Variants in EDIL3 observed in about 807,000 individuals in gnomAD.
The protein encoded by EDIL3 is EGF-like repeat and discoidin I-like domain-containing protein 3.
In EDIL3, 37 loss-of-function variants were observed where a neutral mutation model predicts 67.4. The observed-to-expected ratio is 0.55, with a 90% CI of 0.42 to 0.72. EDIL3 has a LOEUF of 0.72. Among genes scored for constraint, EDIL3 ranks in the 30% least tolerant of loss-of-function variants. The pLI is 0.00. For missense variants in EDIL3, 527 were observed against 586.3 expected (o/e 0.90, Z 1.04); for synonymous variants, 195 against 196.3 (o/e 0.99, Z 0.05).
At chr5:84,147,624 C>A (rs147794377) in intron 4 of EDIL3, among the ~76,000 whole-genome samples, 1 of 151,850 alleles carries the variant, frequency 6.6e-6, no homozygotes, top group Non-Finnish European at 1.5e-5. Context: ...ACCAATAAAT[C>A]TTTTTAAGAT....
At chr5:83,977,972 T>C (rs1322145680) in intron 9 of EDIL3, among the ~76,000 whole-genome samples, 3 of 151,878 alleles carry the variant, frequency 2.0e-5, no homozygotes, top group African/African-American at 7.2e-5. Flanking sequence ...ATAGCAGGTA[T>C]CATGTTCCAA....
intron 9 of EDIL3, among the ~76,000 whole-genome samples, chr5:84,033,757 T>C (rs1745970277): frequency 6.7e-6 from 1 of 148,932 alleles, no homozygotes; most frequent in African/African-American, 2.5e-5. Flanking sequence ...GAAAAGAAAT[T>C]CAAAGAATCT....
chr5:84,052,748 A>G (rs1746365918), intron 9 of EDIL3, among the ~76,000 whole-genome samples: 3 of 152,240 alleles, frequency 2.0e-5, no homozygotes, highest in African/African-American at 7.2e-5. Flanking sequence ...CAATTCAACA[A>G]GAAGAGCTAA....
At chr5:84,064,901 A>G (rs1213940701) in intron 7 of EDIL3, 57 bp from the exon 8 acceptor site, 23 of 1,559,954 alleles carry the variant, frequency 1.5e-5, no homozygotes, top group Non-Finnish European at 2.0e-5. Context: ...CTATTTTTAC[A>G]TATTTACCCT....
Position 84,351,777 on chromosome 5 carries a change from A to G in EDIL3, c.67+32531T>C, listed in dbSNP as rs1243386557. Reference sequence around the variant, plus strand: ...AATTTATGGAAACAATAGCATGTGGATGATAGAAGTTAATCTAAAAAAAAA... The same window carrying G: ...AATTTATGGAAACAATAGCATGTGGGTGATAGAAGTTAATCTAAAAAAAAA... On this transcript the variant is annotated intron_variant, in intron 1 of 10. Coordinates refer to ENST00000296591, the MANE Select transcript of EDIL3 (RefSeq NM_005711.5). Among the ~76,000 whole-genome samples, 3 of 152,152 alleles carry G rather than the reference A, an allele frequency of 2.0e-5. No homozygotes were observed. In the East Asian group the frequency reaches 5.8e-4, roughly 29 times the overall value.
chr5:84,048,332 T>C, intron 9 of EDIL3: 1 of 406,466 alleles, frequency 2.5e-6, no homozygotes, highest in Non-Finnish European at 4.9e-6. Context: ...TTATAAATTT[T>C]ATGTCTAGAA....
intron 5 of EDIL3, among the ~76,000 whole-genome samples, chr5:84,127,405 T>C (rs1237672080): frequency 1.3e-5 from 2 of 152,154 alleles, no homozygotes; most frequent in East Asian, 1.9e-4. Flanking sequence ...GTAACTATTA[T>C]GAAATTTCTT....
intron 6 of EDIL3, among the ~76,000 whole-genome samples, chr5:84,076,554 T>G (rs1386613055): frequency 6.6e-6 from 1 of 152,206 alleles, no homozygotes; most frequent in Non-Finnish European, 1.5e-5. Context: ...TACGTAGATT[T>G]TCTAAGCGAT....
intron 4 of EDIL3, among the ~76,000 whole-genome samples, chr5:84,165,613 C>G (rs1202994490): frequency 6.6e-6 from 1 of 152,066 alleles, no homozygotes; most frequent in African/African-American, 2.4e-5. Flanking sequence ...CAAAGTGACT[C>G]CAACAAAAAC....
At chr5:84,141,944 T>TATATATATATATACATAC (rs1748202905) in intron 4 of EDIL3, among the ~76,000 whole-genome samples, 3 of 102,692 alleles carry the variant, frequency 2.9e-5, no homozygotes, top group African/African-American at 1.2e-4. Flanking sequence ...TATATATATA[T>TATATATATATATACATAC]ATACATAGAT....
intron 5 of EDIL3, among the ~76,000 whole-genome samples, chr5:84,129,623 T>C (rs1747925325): frequency 6.6e-6 from 1 of 152,102 alleles, no homozygotes; most frequent in Non-Finnish European, 1.5e-5. Flanking sequence ...ACAAAAATCA[T>C]TACCAAAGTA....
In EDIL3 at chr5:84,369,451, A is replaced by G. The variant is rs764940697; in HGVS notation, c.67+14857T>C. 2.6e-4 allele frequency among the ~76,000 whole-genome samples: 40 copies of G among 152,152 alleles called. 1 individual carries two copies. The highest frequency in any genetic ancestry group is 3.7e-4 in the Non-Finnish European group (25 of 68,004). ...TATGCTACAAAACAAATGAACCTTG[A>G]AGACATTATGCTAAGTGAAATAAGC... On this transcript the variant is annotated intron_variant, in intron 1 of 10. Coordinates refer to ENST00000296591, the MANE Select transcript of EDIL3 (RefSeq NM_005711.5).
chr5:84,357,182 C>T (rs970484312), intron 1 of EDIL3, among the ~76,000 whole-genome samples: 1 of 151,956 alleles, frequency 6.6e-6, no homozygotes, highest in East Asian at 1.9e-4. Flanking sequence ...GCTTCGGCTT[C>T]CCAAAATGTT....
chr5:84,202,209 C>T (rs1743858045), intron 3 of EDIL3, among the ~76,000 whole-genome samples: 1 of 151,974 alleles, frequency 6.6e-6, no homozygotes, highest in African/African-American at 2.4e-5. Flanking sequence ...TGTTTTCTTC[C>T]CACTGCTTTA....
chr5:83,961,958 G>A lies in EDIL3; in HGVS notation c.1293+1247C>T, dbSNP rs1440687841. The stretch of plus-strand genomic sequence containing the variant: ...TTTCTAAGATGTTAACATGTGAAAT[G>A]TGCATGTGTCCTGAGATGTTACATG... On this transcript the variant is annotated intron_variant, in intron 10 of 10. Coordinates refer to ENST00000296591, the MANE Select transcript of EDIL3 (RefSeq NM_005711.5). Among the ~76,000 whole-genome samples the A allele has an allele frequency of 7.3e-5, 11 of 151,362 alleles. No homozygotes were observed. The Admixed American group carries it at 7.3e-4, about 10-fold the overall frequency.
At chr5:84,023,921 C>T (rs1745767197) in intron 9 of EDIL3, among the ~76,000 whole-genome samples, 1 of 152,090 alleles carries the variant, frequency 6.6e-6, no homozygotes, top group South Asian at 2.1e-4. Context: ...TAAACTCAAA[C>T]CTTTCTGTAA....
At chr5:84,054,559 C>A (rs1437283478) in intron 9 of EDIL3, among the ~76,000 whole-genome samples, 1 of 151,936 alleles carries the variant, frequency 6.6e-6, no homozygotes, top group Non-Finnish European at 1.5e-5. Context: ...TCTAGAAAAC[C>A]CTATCATCTC....
chr5:84,235,973 T>C (rs968871158), intron 2 of EDIL3, among the ~76,000 whole-genome samples: 2 of 152,078 alleles, frequency 1.3e-5, no homozygotes, highest in Non-Finnish European at 2.9e-5. Context: ...GATTTATTAA[T>C]TAAGTAGATT....
intron 1 of EDIL3, among the ~76,000 whole-genome samples, chr5:84,288,756 CA>C (rs1745858923): frequency 6.6e-6 from 1 of 152,076 alleles, no homozygotes; most frequent in Non-Finnish European, 1.5e-5. Flanking sequence ...TTCCTGACCC[CA>C]AATCCTGGCC....
Sources: allele counts gnomAD v4.1 joint callset (sites outside exome capture counted in the v4.1 genomes callset), GRCh38; gene constraint gnomAD v4.1.1; transcripts MANE v1.5; gene names NCBI Gene and HGNC (gene_info 2026-07-23, HGNC 2026-07-21).